The following CLASP2 variants were observed in gnomAD, a reference collection of about 807,000 sequenced individuals.
CLASP2 encodes cytoplasmic linker associated protein 2.
In CLASP2, 47 loss-of-function variants were observed where a neutral mutation model predicts 194.4. The observed-to-expected ratio is 0.24, with a 90% CI of 0.19 to 0.31. The LOEUF (loss-of-function observed/expected upper bound fraction) is 0.31, where lower values mean the gene tolerates loss of function less well. CLASP2 is among the 10% of genes least tolerant of loss of function. CLASP2 has a pLI of 1.00. For synonymous variants in CLASP2, 619 were observed against 633.5 expected (o/e 0.98, Z 0.34); for missense variants, 1,445 against 1,823.6 (o/e 0.79, Z 3.78).
intron 12 of CLASP2, among the ~76,000 whole-genome samples, chr3:33,617,374 G>C (rs2076370809): frequency 6.6e-6 from 1 of 151,964 alleles, no homozygotes; most frequent in African/African-American, 2.4e-5. Context: ...TTCACCACAC[G>C]CTACTGGCTC....
intron 27 of CLASP2, among the ~76,000 whole-genome samples, chr3:33,561,630 A>G (rs1424839172): frequency 6.6e-6 from 1 of 152,222 alleles, no homozygotes; most frequent in South Asian, 2.1e-4. Context: ...ATACCCATTT[A>G]TGGGTTTTTT....
intron 34 of CLASP2, among the ~76,000 whole-genome samples, chr3:33,532,348 A>G (rs2154130205): frequency 6.6e-6 from 1 of 152,296 alleles, no homozygotes; most frequent in South Asian, 2.1e-4. Context: ...AGAGAATGGT[A>G]GTTGCCAGGG....
chr3:33,513,978 CTTTGATTT>C (rs770311678), intron 36 of CLASP2, among the ~76,000 whole-genome samples: 7 of 151,964 alleles, frequency 4.6e-5, no homozygotes, highest in Non-Finnish European at 7.4e-5. Context: ...AAAAGATTTC[CTTTGATTT>C]TTTATTTATT....
chr3:33,655,978 G>A (rs972411013), intron 7 of CLASP2, among the ~76,000 whole-genome samples: 7 of 152,124 alleles, frequency 4.6e-5, no homozygotes, highest in Admixed American at 1.3e-4. Context: ...CCTCTTGCCC[G>A]CTTTTTGAGG....
intron 30 of CLASP2, among the ~76,000 whole-genome samples, chr3:33,548,759 ATTTCTT>A (rs2059547326): frequency 1.8e-5 from 2 of 111,512 alleles, no homozygotes; most frequent in African/African-American, 6.9e-5. Flanking sequence ...CTACGGTTTC[ATTTCTT>A]TTTTTTTTTT....
intron 7 of CLASP2, chr3:33,645,410 C>A: frequency 1.4e-6 from 1 of 737,592 alleles, no homozygotes; most frequent in Non-Finnish European, 2.5e-6. Context: ...AAGATTCTAT[C>A]AAAAAAAGAC....
chr3:33,635,167 C>A (rs962155798), intron 8 of CLASP2, among the ~76,000 whole-genome samples: 1 of 150,762 alleles, frequency 6.6e-6, no homozygotes, highest in Non-Finnish European at 1.5e-5. Context: ...GGCTGAGGCA[C>A]GAGAATCGCT....
At chr3:33,715,211 G>A (rs2093235042) in intron 1 of CLASP2, among the ~76,000 whole-genome samples, 1 of 152,160 alleles carries the variant, frequency 6.6e-6, no homozygotes, top group South Asian at 2.1e-4. Flanking sequence ...TTCATACCAT[G>A]TTGATTTACA....
At chr3:33,577,956 ACTT>A (rs2065245452) in intron 23 of CLASP2, among the ~76,000 whole-genome samples, 1 of 152,188 alleles carries the variant, frequency 6.6e-6, no homozygotes, top group Admixed American at 6.5e-5. Context: ...TGCCGAATAA[ACTT>A]CTGTCATTTA....
chr3:33,677,808 G>A (rs1397196333), intron 6 of CLASP2, among the ~76,000 whole-genome samples: 1 of 146,556 alleles, frequency 6.8e-6, no homozygotes, highest in East Asian at 2.0e-4. Flanking sequence ...TTTATCTAAA[G>A]TTTAAAAACA....
At chr3:33,662,563 T>G (rs1290700080) in intron 7 of CLASP2, among the ~76,000 whole-genome samples, 1 of 152,194 alleles carries the variant, frequency 6.6e-6, no homozygotes, top group African/African-American at 2.4e-5. Context: ...TTACTCCATC[T>G]GACTTCCCGC....
At chr3:33,546,563 A>G (rs776408631) in intron 30 of CLASP2, among the ~76,000 whole-genome samples, 17 of 152,202 alleles carry the variant, frequency 1.1e-4, no homozygotes, top group South Asian at 2.1e-4. Context: ...TCCATTGTTC[A>G]GGTCTCCAGA....
chr3:33,574,558 G>T (rs1029028292), intron 24 of CLASP2: 8 of 1,038,144 alleles, frequency 7.7e-6, no homozygotes, highest in Non-Finnish European at 1.1e-5. Context: ...TTGCTAATCA[G>T]CACAGTGAAA....
chr3:33,572,621 A>T (rs896994699), intron 25 of CLASP2, among the ~76,000 whole-genome samples: 1 of 152,134 alleles, frequency 6.6e-6, no homozygotes, highest in Non-Finnish European at 1.5e-5. Flanking sequence ...CCCCAAACCC[A>T]AAATATTAAC....
At chr3:33,680,768 G>A (rs1369432524) in intron 6 of CLASP2, among the ~76,000 whole-genome samples, 2 of 152,018 alleles carry the variant, frequency 1.3e-5, no homozygotes, top group African/African-American at 2.4e-5. Context: ...CCGTGGTCAC[G>A]CCACTGCATT....
intron 29 of CLASP2, among the ~76,000 whole-genome samples, chr3:33,554,131 A>C (rs1576355906): frequency 6.6e-6 from 1 of 151,482 alleles, no homozygotes; most frequent in Non-Finnish European, 1.5e-5. Context: ...GGGAGGCTGA[A>C]GCAGGAGAAT....
At chr3:33,692,338 A>C (rs1487377835) in intron 2 of CLASP2, among the ~76,000 whole-genome samples, 1 of 152,190 alleles carries the variant, frequency 6.6e-6, no homozygotes, top group East Asian at 1.9e-4. Flanking sequence ...TGAGAGGTGA[A>C]ATTTAACTCC....
At chr3:33,708,518 ATATATG>A (rs2092825505) in intron 1 of CLASP2, among the ~76,000 whole-genome samples, 3 of 113,412 alleles carry the variant, frequency 2.6e-5, no homozygotes, top group South Asian at 3.0e-4. Context: ...ATATATATGT[ATATATG>A]TATATATATA....
intron 7 of CLASP2, among the ~76,000 whole-genome samples, chr3:33,651,217 T>C (rs572173077): frequency 3.7e-4 from 56 of 152,032 alleles, no homozygotes; most frequent in African/African-American, 1.1e-3. Context: ...ACCTCATCTC[T>C]ACAAAAAACA....
Sources: gnomAD v4.1 joint callset for allele counts (sites outside exome capture counted in the v4.1 genomes callset) on GRCh38, gnomAD v4.1.1 for gene constraint, MANE v1.5 for transcripts, NCBI Gene and HGNC (gene_info 2026-07-23, HGNC 2026-07-21) for gene names.